The following PTPRO variants were observed in gnomAD, a reference collection of about 807,000 sequenced individuals.
The protein encoded by PTPRO is protein tyrosine phosphatase receptor type O.
In PTPRO, 62 loss-of-function variants were observed where a neutral mutation model predicts 145.2. That is an observed-to-expected ratio of 0.43 (90% CI 0.35 to 0.53). The LOEUF (loss-of-function observed/expected upper bound fraction) is 0.53. Ranked by LOEUF, PTPRO falls within the 20% of genes least tolerant of loss-of-function variation. The pLI, the probability that PTPRO is intolerant of heterozygous loss-of-function variation, is 0.01. For synonymous variants in PTPRO, 565 were observed against 514.7 expected, an observed-to-expected ratio of 1.10 and a Z score of -1.32; for missense variants, 1,345 against 1,482.7, an observed-to-expected ratio of 0.91 and a Z score of 1.53.
intron 1 of PTPRO, among the ~76,000 whole-genome samples, chr12:15,330,697 T>A (rs948428151): frequency 6.6e-6 from 1 of 152,190 alleles, no homozygotes; most frequent in Admixed American, 6.5e-5. Context: ...CAGCCCCTCT[T>A]ACAAGGCTGA....
Position 15,596,735 on chromosome 12 carries a change from G to T in PTPRO, c.*662G>T, listed in dbSNP as rs560251283. 6.6e-6 allele frequency: 1 copy of T among 152,262 alleles called. No individual in the cohort carries two copies. 9.4% of individuals were successfully genotyped at this position (152,262 alleles called of 1,614,324 possible). ...AGCTATAATTCAGCTTCAAAGTAGA[G>T]TAGAAAAAAAATTGTCTTAACTGTT... On this transcript the variant is annotated 3_prime_UTR_variant, in exon 27 of 27. Coordinates refer to ENST00000281171, the MANE Select transcript of PTPRO (RefSeq NM_030667.3).
intron 23 of PTPRO, among the ~76,000 whole-genome samples, chr12:15,585,617 T>G (rs1470229341): frequency 6.6e-6 from 1 of 152,240 alleles, no homozygotes; most frequent in Non-Finnish European, 1.5e-5. Flanking sequence ...TCTTTGAAAT[T>G]CATTTCTCTT....
intron 8 of PTPRO, 73 bp downstream of exon 8, chr12:15,515,691 C>T: frequency 8.2e-6 from 13 of 1,582,038 alleles, no homozygotes; most frequent in African/African-American, 1.3e-5. Flanking sequence ...AATGTGCGAG[C>T]TCAAATCATT....
intron 2 of PTPRO, among the ~76,000 whole-genome samples, chr12:15,484,741 C>G (rs1347640789): frequency 6.6e-6 from 1 of 152,024 alleles, no homozygotes; most frequent in Non-Finnish European, 1.5e-5. Context: ...TTCAAAATAG[C>G]TTTGCCTTCT....
intron 1 of PTPRO, among the ~76,000 whole-genome samples, chr12:15,470,381 G>C (rs1456554818): frequency 6.6e-6 from 1 of 152,086 alleles, no homozygotes; most frequent in African/African-American, 2.4e-5. Context: ...GTAACTTAAC[G>C]GAATGTTCTG....
chr12:15,393,316 G>A (rs1170652598), intron 1 of PTPRO, among the ~76,000 whole-genome samples: 1 of 152,196 alleles, frequency 6.6e-6, no homozygotes, highest in Non-Finnish European at 1.5e-5. Context: ...GCTATGAGTG[G>A]TGGGTAAGAG....
intron 19 of PTPRO, among the ~76,000 whole-genome samples, chr12:15,575,825 G>T (rs991024564): frequency 6.6e-6 from 1 of 152,180 alleles, no homozygotes; most frequent in African/African-American, 2.4e-5. Context: ...TTCAGCTTCT[G>T]TTGGCCACAG....
intron 1 of PTPRO, among the ~76,000 whole-genome samples, chr12:15,446,519 T>C (rs1252365441): frequency 6.6e-6 from 1 of 151,796 alleles, no homozygotes; most frequent in South Asian, 2.1e-4. Flanking sequence ...AATTAAAATA[T>C]TTTATTCTAA....
chr12:15,579,020 C>A, intron 20 of PTPRO, 77 bp downstream of exon 20: 1 of 1,317,388 alleles, frequency 7.6e-7, no homozygotes, highest in Non-Finnish European at 1.1e-6. Context: ...ATCAATTTCA[C>A]CAATCTCTGG....
At chr12:15,467,682 T>C (rs1185355937) in intron 1 of PTPRO, among the ~76,000 whole-genome samples, 1 of 152,216 alleles carries the variant, frequency 6.6e-6, no homozygotes, top group Non-Finnish European at 1.5e-5. Flanking sequence ...TTATTCCACT[T>C]TGATGGAAAT....
At chr12:15,561,870 C>T (rs1324271072) in intron 17 of PTPRO, among the ~76,000 whole-genome samples, 1 of 152,064 alleles carries the variant, frequency 6.6e-6, no homozygotes, top group Non-Finnish European at 1.5e-5. Context: ...CGTTTTTAAG[C>T]TTCTGTAAGG....
At chr12:15,345,381 G>T (rs1257148076) in intron 1 of PTPRO, among the ~76,000 whole-genome samples, 1 of 152,124 alleles carries the variant, frequency 6.6e-6, no homozygotes, top group Non-Finnish European at 1.5e-5. Flanking sequence ...ATGATAGACT[G>T]GATGAAGAAA....
At chr12:15,521,223 A>G (rs1041978801) in intron 10 of PTPRO, among the ~76,000 whole-genome samples, 2 of 152,038 alleles carry the variant, frequency 1.3e-5, no homozygotes, top group African/African-American at 4.8e-5. Flanking sequence ...GTTGAAATGT[A>G]TGAGAAAAAA....
rs377097650 is a variant in PTPRO at position 15,560,229 on chromosome 12, C to T, written c.2664C>T (p.Pro888=). 34 of 1,596,750 alleles carry T rather than the reference C, an allele frequency of 2.1e-5. No individual in the cohort carries two copies. Among genetic ancestry groups the T allele is most frequent in the Non-Finnish European group, 2.7e-5 (32 of 1,164,674 alleles). ...TATTTGCTTTCTTAACCCTGCTACC[C>T]TCATGTCTTTGGACTGATTATCTTT... ...RSIFAFLTLL[P]SCLWTDYLLA... is the part of the protein sequence containing the mutation. Residue 888 remains proline, a synonymous_variant, in exon 17 of 27, where the codon CCC becomes CCT. Coordinates refer to ENST00000281171, the MANE Select transcript of PTPRO (RefSeq NM_030667.3).
intron 1 of PTPRO, among the ~76,000 whole-genome samples, chr12:15,339,454 G>A (rs764768007): frequency 2.6e-5 from 4 of 152,108 alleles, no homozygotes; most frequent in Non-Finnish European, 4.4e-5. Flanking sequence ...GCAGTGGTGT[G>A]CAGGAAAAAA....
intron 1 of PTPRO, among the ~76,000 whole-genome samples, chr12:15,400,313 C>T (rs917994953): frequency 1.3e-5 from 2 of 151,986 alleles, no homozygotes; most frequent in African/African-American, 2.4e-5. Flanking sequence ...TAGGCTAAAG[C>T]CTGAAGTCCT....
chr12:15,559,518 A>G (rs1027007871), intron 16 of PTPRO, among the ~76,000 whole-genome samples: 8 of 152,316 alleles, frequency 5.3e-5, no homozygotes, highest in African/African-American at 1.9e-4. Flanking sequence ...AAGTGAAGCT[A>G]AACTATTTTG....
chr12:15,428,616 A>T lies in PTPRO; in HGVS notation c.76-55358A>T, dbSNP rs79607797. Among the ~76,000 whole-genome samples the T allele has an allele frequency of 2.8e-3, 431 of 152,264 alleles. 1 individual carries two copies. Among genetic ancestry groups the T allele is most frequent in the Middle Eastern group, 0.017 (5 of 294 alleles). ...AGAAATCTAAAGATGGAAAATTATG[A>T]TTAGATTTAGGTTTAACTTAAAGTG... On this transcript the variant is annotated intron_variant, in intron 1 of 26. Transcript: ENST00000281171.
chr12:15,485,284 C>T (rs764374048), intron 2 of PTPRO, among the ~76,000 whole-genome samples: 124 of 152,164 alleles, frequency 8.1e-4, no homozygotes, highest in Non-Finnish European at 1.5e-3. Context: ...ATGGCATAGA[C>T]CCAAGACCTT....
Sources: gnomAD v4.1 joint callset for allele counts (sites outside exome capture counted in the v4.1 genomes callset) on GRCh38, gnomAD v4.1.1 for gene constraint, MANE v1.5 for transcripts, NCBI Gene and HGNC (gene_info 2026-07-23, HGNC 2026-07-21) for gene names.